Variants in TMEM178B observed in about 807,000 individuals in gnomAD.
The protein encoded by TMEM178B is transmembrane protein 178B.
In TMEM178B, 5 loss-of-function variants were observed where a neutral mutation model predicts 31.0. The observed-to-expected ratio is 0.16, with a 90% CI of 0.08 to 0.34. The LOEUF (loss-of-function observed/expected upper bound fraction) is 0.34. Among genes scored for constraint, TMEM178B ranks in the 10% least tolerant of loss-of-function variants. The pLI is 1.00. For missense variants in TMEM178B, 275 were observed against 400.3 expected (o/e 0.69, Z 2.67); for synonymous variants, 164 against 164.0 (o/e 1.00, Z 0.00).
intron 2 of TMEM178B, among the ~76,000 whole-genome samples, chr7:141,348,367 G>A (rs550250399): frequency 6.6e-6 from 1 of 152,344 alleles, no homozygotes; most frequent in African/African-American, 2.4e-5. Context: ...CAGGATTCAT[G>A]TGGTCTTTAC....
At chr7:141,462,530 G>A (rs1254192423) in intron 3 of TMEM178B, among the ~76,000 whole-genome samples, 2 of 152,018 alleles carry the variant, frequency 1.3e-5, no homozygotes. Context: ...GGGTGGTAAG[G>A]ACTGAGGGGG....
At chr7:141,508,610 C>T in the TMEM178B span, among the ~76,000 whole-genome samples, 6 of 152,332 alleles carry the variant, frequency 3.9e-5, no homozygotes, top group East Asian at 9.6e-4. Context: ...ATTGGACTTA[C>T]AGTTCCACAT....
chr7:141,273,110 A>G (rs568852737), intron 2 of TMEM178B, among the ~76,000 whole-genome samples: 1 of 152,350 alleles, frequency 6.6e-6, no homozygotes, highest in Admixed American at 6.5e-5. Flanking sequence ...ATGCTAGGTA[A>G]AATAAGCCAG....
chr7:141,394,428 G>A (rs543286235), intron 2 of TMEM178B, among the ~76,000 whole-genome samples: 3 of 152,352 alleles, frequency 2.0e-5, no homozygotes, highest in African/African-American at 4.8e-5. Context: ...TTGAAGCCCA[G>A]CTCTGCCAGT....
At chr7:141,378,679 C>T (rs1800261516) in intron 2 of TMEM178B, among the ~76,000 whole-genome samples, 1 of 152,224 alleles carries the variant, frequency 6.6e-6, no homozygotes, top group Non-Finnish European at 1.5e-5. Context: ...AGATCTGTTC[C>T]AGGCTAAATT....
chr7:141,151,437 C>G (rs146504756), intron 1 of TMEM178B, among the ~76,000 whole-genome samples: 1 of 152,258 alleles, frequency 6.6e-6, no homozygotes, highest in East Asian at 1.9e-4. Context: ...GAGGCACCAG[C>G]TGAGTCTGAC....
In TMEM178B at chr7:141,468,184, A is replaced by G. The variant is rs115159968; in HGVS notation, c.635-2352A>G. ...CCAGTAAAAACTTGTTTCAAATCCTATAGCTCCAAAGTGTGGTCATTGAGC... is the reference window on the plus strand; with the variant it reads ...CCAGTAAAAACTTGTTTCAAATCCTGTAGCTCCAAAGTGTGGTCATTGAGC... On this transcript the variant is annotated intron_variant, in intron 3 of 3. Transcript: ENST00000565468. 5.6e-3 allele frequency among the ~76,000 whole-genome samples: 852 copies of G among 152,268 alleles called. 16 individuals are homozygous for G. The highest frequency in any genetic ancestry group is 0.019 in the African/African-American group (791 of 41,536).
At chr7:141,220,444 C>T (rs1309934224) in intron 2 of TMEM178B, among the ~76,000 whole-genome samples, 2 of 151,748 alleles carry the variant, frequency 1.3e-5, no homozygotes, top group Admixed American at 6.6e-5. Flanking sequence ...GATTAAAATG[C>T]GCTGTAGCAT....
chr7:141,319,174 C>T (rs990404555), intron 2 of TMEM178B, among the ~76,000 whole-genome samples: 3 of 152,272 alleles, frequency 2.0e-5, no homozygotes, highest in Admixed American at 6.5e-5. Flanking sequence ...TGGCTTTTAA[C>T]GACCTGTCTC....
chr7:141,132,304 G>T (rs1795607130), intron 1 of TMEM178B, among the ~76,000 whole-genome samples: 1 of 152,168 alleles, frequency 6.6e-6, no homozygotes, highest in African/African-American at 2.4e-5. Flanking sequence ...AAGCTTTCAA[G>T]ATTGGGGACC....
chr7:141,285,177 TTG>T (rs1798428806), intron 2 of TMEM178B, among the ~76,000 whole-genome samples: 3 of 140,164 alleles, frequency 2.1e-5, no homozygotes, highest in African/African-American at 5.5e-5. Context: ...TTTTTTTTTT[TTG>T]AGACGTAGTC....
At chr7:141,131,773 G>A (rs988486374) in intron 1 of TMEM178B, among the ~76,000 whole-genome samples, 1 of 152,038 alleles carries the variant, frequency 6.6e-6, no homozygotes, top group African/African-American at 2.4e-5. Flanking sequence ...TTTTGTATAA[G>A]TCTTTTTGTG....
At chr7:141,172,608 G>C (rs1173458141) in intron 1 of TMEM178B, among the ~76,000 whole-genome samples, 1 of 152,182 alleles carries the variant, frequency 6.6e-6, no homozygotes, top group Non-Finnish European at 1.5e-5. Context: ...AACTGACCAG[G>C]ACTCTGTTAC....
chr7:141,152,975 G>A (rs565668032), intron 1 of TMEM178B, among the ~76,000 whole-genome samples: 16 of 152,336 alleles, frequency 1.1e-4, no homozygotes, highest in Non-Finnish European at 2.1e-4. Context: ...TGGTGAAAAG[G>A]AGGTGCAGAG....
the TMEM178B span, among the ~76,000 whole-genome samples, chr7:141,488,909 C>T: frequency 2.0e-5 from 3 of 151,056 alleles, no homozygotes; most frequent in African/African-American, 4.9e-5. Flanking sequence ...TTTTTTCCCC[C>T]GTTGGAGAAA....
chr7:141,287,989 C>A (rs1320608857), intron 2 of TMEM178B, among the ~76,000 whole-genome samples: 1 of 152,092 alleles, frequency 6.6e-6, no homozygotes, highest in East Asian at 1.9e-4. Context: ...TTTTTCCCCC[C>A]CAATACGTAG....
chr7:141,457,436 A>C (rs906514895), intron 3 of TMEM178B, among the ~76,000 whole-genome samples: 5 of 93,544 alleles, frequency 5.3e-5, no homozygotes, highest in African/African-American at 2.1e-4. Context: ...GTATAATCTC[A>C]CAGCAACCCC....
intron 1 of TMEM178B, among the ~76,000 whole-genome samples, chr7:141,094,966 A>AATTCCT: frequency 6.6e-6 from 1 of 152,326 alleles, no homozygotes; most frequent in South Asian, 2.1e-4. Context: ...GAAGTGCAAT[A>AATTCCT]ATTCCTTGTA....
chr7:141,271,872 A>G (rs371534643), intron 2 of TMEM178B, among the ~76,000 whole-genome samples: 6 of 152,306 alleles, frequency 3.9e-5, no homozygotes, highest in South Asian at 4.2e-4. Context: ...GCAGCTCAGA[A>G]AGGTCAAACT....
Sources: gnomAD v4.1 joint callset for allele counts (sites outside exome capture counted in the v4.1 genomes callset) on GRCh38, gnomAD v4.1.1 for gene constraint, MANE v1.5 for transcripts, NCBI Gene and HGNC (gene_info 2026-07-23, HGNC 2026-07-21) for gene names.